The following CHD5 variants were observed in gnomAD, a reference collection of about 807,000 sequenced individuals.
The protein encoded by CHD5 is chromodomain helicase DNA binding protein 5, also known as ATP-dependent chromatin remodeler CHD5.
In CHD5, 69 loss-of-function variants were observed where a neutral mutation model predicts 230.3. The observed-to-expected ratio is 0.30, with a 90% confidence interval of 0.25 to 0.37. CHD5 has a LOEUF of 0.37. CHD5 is among the 10% of genes least tolerant of loss of function. The pLI, the probability that CHD5 is intolerant of heterozygous loss-of-function variation, is 1.00. For missense variants in CHD5, 1,827 were observed against 2,622.8 expected (o/e 0.70, Z 6.63); for synonymous variants, 1,064 against 1,065.9 (o/e 1.00, Z 0.03).
At position 6,128,419 on chromosome 1, in the gene CHD5, G is replaced by T; in HGVS notation, c.3730+80C>A. On this transcript the variant is annotated intron_variant, in intron 24 of 41. Coordinates refer to ENST00000262450, the MANE Select transcript of CHD5 (RefSeq NM_015557.3). The surrounding 1 kb of genome is among the most constrained non-coding windows in gnomAD (Gnocchi z 7.8). ...GCAGTCCCAGGACGCCCAAGTGAGGGCAGGTCAGGGAACCCCTCCTCTGCA... is the reference window on the plus strand; with the variant it reads ...GCAGTCCCAGGACGCCCAAGTGAGGTCAGGTCAGGGAACCCCTCCTCTGCA... 1 of 1,272,162 alleles carries T rather than the reference G, an allele frequency of 7.9e-7. No homozygotes were observed. The highest frequency in any genetic ancestry group is 1.5e-5 in the African/African-American group (1 of 68,068). The allele number at this position is 1,272,162 out of a possible 1,614,324, so 78.8% of individuals were successfully genotyped here.
At chr1:6,117,646 CA>C (rs769450196) in intron 33 of CHD5, among the ~76,000 whole-genome samples, 15 of 152,278 alleles carry the variant, frequency 9.9e-5, no homozygotes, top group Non-Finnish European at 1.5e-4. Context: ...GACATTTCTT[CA>C]ACAAATTATA....
intron 38 of CHD5, among the ~76,000 whole-genome samples, chr1:6,109,243 C>T (rs1046180496): frequency 2.3e-4 from 35 of 152,088 alleles, no homozygotes; most frequent in African/African-American, 7.2e-4. Context: ...TCAGAGTACA[C>T]CAGGGAGGGC....
At chr1:6,108,491 T>C (rs770621717) in intron 38 of CHD5, among the ~76,000 whole-genome samples, 3 of 122,738 alleles carry the variant, frequency 2.4e-5, no homozygotes, top group Admixed American at 8.4e-5. Context: ...GGAAGGATGA[T>C]GGAGGGATGA....
chr1:6,160,322 G>A (rs12759448), intron 2 of CHD5, among the ~76,000 whole-genome samples: 989 of 61,824 alleles, frequency 0.016, 43 homozygotes, highest in Non-Finnish European at 0.023. Flanking sequence ...CCCCAGCCAG[G>A]GAAGGGCCCC....
In CHD5 at chr1:6,121,190, C is replaced by T; in HGVS notation, c.4827G>A (p.Glu1609=). The change falls in exon 33 of 42, where the codon GAG becomes GAA. Residue 1609 remains glutamate (E), a synonymous_variant. Transcript: ENST00000262450. The surrounding 1 kb of genome is among the most constrained non-coding windows in gnomAD (Gnocchi z 4.5). ...LDRVESEDKH[E]SPASKERARE... ...GGGCTCTCTCCTTGCTGGCTGGGCT[C>T]TCGTGCTTGTCCTCACTCTCCACTC... 6.2e-7 allele frequency: 1 copy of T among 1,613,952 alleles called. No homozygotes were observed. The highest frequency in any genetic ancestry group is 1.1e-5 in the South Asian group (1 of 91,064).
At chr1:6,132,907 TCTC>T (rs1221392350) in intron 20 of CHD5, among the ~76,000 whole-genome samples, 3 of 151,480 alleles carry the variant, frequency 2.0e-5, no homozygotes, top group Non-Finnish European at 4.4e-5. Flanking sequence ...TCTCTCTCTC[TCTC>T]AAGAGACAGG....
intron 15 of CHD5, among the ~76,000 whole-genome samples, chr1:6,141,580 A>G (rs961751243): frequency 8.6e-5 from 13 of 152,042 alleles, no homozygotes; most frequent in Non-Finnish European, 1.6e-4. Flanking sequence ...GCCCCACTGC[A>G]CTCCAGCCTG....
rs374537886 is a variant in CHD5, at chr1:6,161,543, C to T, written c.208-2028G>A. Among the ~76,000 whole-genome samples the T allele has an allele frequency of 5.3e-5, 8 of 152,330 alleles. No individual in the cohort carries two copies. In the East Asian group the frequency reaches 7.7e-4, roughly 15 times the overall value. On this transcript the variant is annotated intron_variant, in intron 2 of 41. Coordinates refer to ENST00000262450, the MANE Select transcript of CHD5 (RefSeq NM_015557.3). ...AGGGCCTCTGTGCTCTTTGCTTTTCCGGAACCCGGGTGTTTCCGGGAATAC... is the reference window on the plus strand; with the variant it reads ...AGGGCCTCTGTGCTCTTTGCTTTTCTGGAACCCGGGTGTTTCCGGGAATAC...
chr1:6,136,967 A>G lies in CHD5; in HGVS notation c.2437-102T>C. The G allele has an allele frequency of 2.3e-6, 3 of 1,316,212 alleles. No individual in the cohort carries two copies. In the South Asian group the frequency reaches 4.5e-5, roughly 20 times the overall value. The allele number at this position is 1,316,212 out of a possible 1,614,324, so 81.5% of individuals were successfully genotyped here. On this transcript the variant is annotated intron_variant, in intron 15 of 41. Transcript: ENST00000262450. ...GAAGGAGGTGTGCACAGGAACCCACAAAGGCTCCACGGAGCCCTGGGCCGG... is the reference window on the plus strand; with the variant it reads ...GAAGGAGGTGTGCACAGGAACCCACGAAGGCTCCACGGAGCCCTGGGCCGG...
intron 5 of CHD5, among the ~76,000 whole-genome samples, chr1:6,152,786 C>T (rs1345107462): frequency 6.6e-6 from 1 of 152,224 alleles, no homozygotes; most frequent in Non-Finnish European, 1.5e-5. Context: ...TTGTCCATGA[C>T]CCACAGAAAT....
intron 2 of CHD5, among the ~76,000 whole-genome samples, chr1:6,166,422 A>C (rs1243951939): frequency 6.6e-6 from 1 of 151,798 alleles, no homozygotes; most frequent in African/African-American, 2.4e-5. Flanking sequence ...GGGCTGGGAG[A>C]GAAGGGCCGG....
At chr1:6,147,957 C>A (rs1287258812) in intron 9 of CHD5, among the ~76,000 whole-genome samples, 1 of 152,022 alleles carries the variant, frequency 6.6e-6, no homozygotes, top group Non-Finnish European at 1.5e-5. Context: ...CCCATCCCAG[C>A]CCCTCAGGGA....
At chr1:6,153,509 C>T (rs182271160) in intron 5 of CHD5, among the ~76,000 whole-genome samples, 77 of 152,296 alleles carry the variant, frequency 5.1e-4, no homozygotes, top group Non-Finnish European at 1.0e-3. Flanking sequence ...GAAGGGATCC[C>T]CGGAGCCCCC....
intron 15 of CHD5, 124 bp from the exon 16 acceptor site, chr1:6,136,989 C>A (rs556216753): frequency 3.0e-4 from 316 of 1,053,552 alleles, no homozygotes; most frequent in Admixed American, 8.6e-4. Context: ...GAGCCCTGGG[C>A]CGGCCAGCCT....
Position 6,103,524 on chromosome 1 carries a change from C to T in CHD5, c.*1950G>A, listed in dbSNP as rs55832961. 67,762 of 152,326 alleles carry T rather than the reference C, an allele frequency of 0.44. 15,469 individuals carry two copies. Among genetic ancestry groups the T allele is most frequent in the Middle Eastern group, 0.52 (154 of 298 alleles). The allele number at this position is 152,326 out of a possible 1,614,324, so 9.4% of individuals were successfully genotyped here. On this transcript the variant is annotated 3_prime_UTR_variant, in exon 42 of 42. Transcript: ENST00000262450. ...CAAGGAAGGTGGGCACTGCTCCCAACGAGGGCCAACCCCAGTGCTTGCCAC... is the reference window on the plus strand; with the variant it reads ...CAAGGAAGGTGGGCACTGCTCCCAATGAGGGCCAACCCCAGTGCTTGCCAC...
intron 33 of CHD5, among the ~76,000 whole-genome samples, chr1:6,115,025 A>AG (rs1553137784): frequency 0.013 from 1,822 of 142,622 alleles, 28 homozygotes; most frequent in Non-Finnish European, 0.022. Flanking sequence ...AAAAAAAAAA[A>AG]GGGGGGGGCA....
intron 33 of CHD5, among the ~76,000 whole-genome samples, chr1:6,115,936 A>G (rs1218462077): frequency 6.6e-6 from 1 of 152,258 alleles, no homozygotes; most frequent in Non-Finnish European, 1.5e-5. Context: ...ACAGCTGTGC[A>G]AAGAAAATAT....
rs1442295920 is a variant in CHD5 at position 6,103,999 on chromosome 1, G to C, written c.*1475C>G. ...CCCCAGGCCCAGCTGGGTTTTTCAC[G>C]CAGCCCTTTCCTAACATTCCCAGGA... On this transcript the variant is annotated 3_prime_UTR_variant, in exon 42 of 42. Coordinates refer to ENST00000262450, the MANE Select transcript of CHD5 (RefSeq NM_015557.3). 6.6e-6 allele frequency: 1 copy of C among 152,228 alleles called. No individual in the cohort carries two copies. The highest frequency in any genetic ancestry group is 1.5e-5 in the Non-Finnish European group (1 of 68,158). 9.4% of individuals were successfully genotyped at this position (152,228 alleles called of 1,614,324 possible).
chr1:6,146,943 G>T lies in CHD5; in HGVS notation c.1384-72C>A. The T allele has an allele frequency of 5.0e-6, 6 of 1,202,140 alleles. No homozygotes were observed. The highest frequency in any genetic ancestry group is 6.8e-6 in the Non-Finnish European group (6 of 879,378). 74.5% of individuals were successfully genotyped at this position (1,202,140 alleles called of 1,614,324 possible). On this transcript the variant is annotated intron_variant, in intron 9 of 41. Coordinates refer to ENST00000262450, the MANE Select transcript of CHD5 (RefSeq NM_015557.3). This position sits in a 1 kb window ranked among gnomAD's most constrained non-coding sequence, Gnocchi z 5.1. ...CCACCCTGAGGCTCCCATGACAGCAGGCTGCCATGCAGGCTCCCTCCCATC... is the reference window on the plus strand; with the variant it reads ...CCACCCTGAGGCTCCCATGACAGCATGCTGCCATGCAGGCTCCCTCCCATC...
Sources: gnomAD v4.1 joint callset for allele counts (sites outside exome capture counted in the v4.1 genomes callset) on GRCh38, gnomAD v4.1.1 for gene constraint, Gnocchi (gnomAD v3.1) non-coding constraint, MANE v1.5 for transcripts, NCBI Gene and HGNC (gene_info 2026-07-23, HGNC 2026-07-21) for gene names.